HACE1: variants seen among roughly 807,000 people sequenced by gnomAD.
HACE1 encodes HECT domain and ankyrin repeat containing E3 ubiquitin protein ligase 1, also known as E3 ubiquitin-protein ligase HACE1.
HACE1 carries 73 observed loss-of-function variants against 118.4 expected under a neutral mutation model. The observed-to-expected ratio is 0.62, with a 90% CI of 0.51 to 0.75. HACE1 has a LOEUF of 0.75. HACE1 is among the 30% of genes least tolerant of loss of function. The pLI, the probability that HACE1 is intolerant of heterozygous loss-of-function variation, is 0.00. For synonymous variants in HACE1, 368 were observed against 374.8 expected, an observed-to-expected ratio of 0.98 and a Z score of 0.21; for missense variants, 749 against 1,102.2, an observed-to-expected ratio of 0.68 and a Z score of 4.54.
At chr6:104,831,918 AAGAAGAGAAGAGAAGAGAAG>A (rs770162517) in intron 6 of HACE1, among the ~76,000 whole-genome samples, 26 of 62,878 alleles carry the variant, frequency 4.1e-4, no homozygotes, top group African/African-American at 9.2e-4. Context: ...AGAAAAGAGA[AAGAAGAGAAGAGAAGAGAAG>A]AGAAGAGAAG....
At chr6:104,764,141 G>T (rs968558375) in intron 19 of HACE1, among the ~76,000 whole-genome samples, 16 of 152,268 alleles carry the variant, frequency 1.1e-4, no homozygotes, top group Admixed American at 6.5e-4. Context: ...GTGGCACTGT[G>T]ATCTTGGTTC....
chr6:104,803,204 C>A (rs564938669), intron 7 of HACE1, among the ~76,000 whole-genome samples: 4 of 152,276 alleles, frequency 2.6e-5, no homozygotes, highest in African/African-American at 9.6e-5. Flanking sequence ...TAATTAATAG[C>A]CTACCAACCA....
chr6:104,828,312 TCACATCA>T (rs1773530973), intron 6 of HACE1, among the ~76,000 whole-genome samples: 2 of 152,030 alleles, frequency 1.3e-5, no homozygotes, highest in African/African-American at 4.8e-5. Flanking sequence ...TTTTACAGAA[TCACATCA>T]CACATATTAA....
At chr6:104,735,955 A>T (rs1775781115) in intron 22 of HACE1, among the ~76,000 whole-genome samples, 1 of 151,994 alleles carries the variant, frequency 6.6e-6, no homozygotes, top group South Asian at 2.1e-4. Flanking sequence ...CATATTGCTA[A>T]ATTCAAAAAG....
chr6:104,747,650 C>G (rs1777577328), intron 20 of HACE1, among the ~76,000 whole-genome samples: 1 of 152,004 alleles, frequency 6.6e-6, no homozygotes. Context: ...CATAGCCTAT[C>G]ACTAACACAT....
chr6:104,844,631 G>A (rs1486443994), intron 4 of HACE1, among the ~76,000 whole-genome samples: 7 of 147,912 alleles, frequency 4.7e-5, no homozygotes, highest in African/African-American at 1.8e-4. Context: ...GATTACAGGC[G>A]TGAGCCACTG....
rs761297846 is a variant in HACE1, at chr6:104,744,564, A to C, written c.2390T>G (p.Ile797Arg). 6.2e-7 allele frequency: 1 copy of C among 1,606,938 alleles called. No individual in the cohort carries two copies. The highest frequency in any genetic ancestry group is 8.5e-7 in the Non-Finnish European group (1 of 1,173,700). ...GMPEIDVSDW[I>R]KNTEYTSGYE... is the part of the protein sequence containing the mutation. ...GCCACTTGTGTATTCTGTATTTTTT[A>C]TCCAATCACTCACATCAATTTCTGG... Residue 797 changes from isoleucine (I) to arginine (R), a missense_variant, in exon 21 of 24, where the codon ATA becomes AGA. By Grantham distance (97) the Ile-to-Arg change is moderately conservative. This residue lies in a region of HACE1 where 165 missense variants were observed against 229.9 expected (regional missense o/e 0.72). Coordinates refer to ENST00000262903, the MANE Select transcript of HACE1 (RefSeq NM_020771.4).
rs762497394 is a variant in HACE1, at chr6:104,850,945, G to A, written c.183C>T (p.Phe61=). Residue 61 remains phenylalanine (F), a synonymous_variant, in exon 3 of 24, where the codon TTC becomes TTT. Transcript: ENST00000262903. ...GAAGCAAGCTTCTTTTCACACGTCC[G>A]AATGCATAATTGACATCAAATTTTG... ...SNSKFDVNYA[F]GRVKRSLLHI... 29 of 1,610,198 alleles carry A rather than the reference G, an allele frequency of 1.8e-5. No individual in the cohort carries two copies. The highest frequency in any genetic ancestry group is 6.7e-5 in the East Asian group (3 of 44,856).
Position 104,784,081 on chromosome 6 carries a change from TCTA to T in HACE1, c.1566+2_1566+4del, listed in dbSNP as rs2114790322. On this transcript the variant is annotated splice_donor_variant and splice_donor_region_variant and intron_variant, in intron 14 of 23. Coordinates refer to ENST00000262903, the MANE Select transcript of HACE1 (RefSeq NM_020771.4). LOFTEE classifies it high-confidence loss of function. ...TAGAATAAAAAGATGAAGAAAAATT[TCTA>T]CCTGTGCTTTTATGATATGCATGAA... The T allele has an allele frequency of 6.8e-7, 1 of 1,481,212 alleles. No homozygotes were observed. 91.8% of individuals were successfully genotyped at this position (1,481,212 alleles called of 1,614,324 possible).
intron 7 of HACE1, among the ~76,000 whole-genome samples, chr6:104,799,903 G>T (rs1015299566): frequency 7.5e-6 from 1 of 134,160 alleles, no homozygotes. Context: ...AGCCCACGGA[G>T]GGTGAGCACC....
At chr6:104,847,239 C>T (rs1379471272) in intron 4 of HACE1, among the ~76,000 whole-genome samples, 1 of 152,208 alleles carries the variant, frequency 6.6e-6, no homozygotes, top group Admixed American at 6.5e-5. Flanking sequence ...TTTATCCCTG[C>T]TCTGCACTAA....
rs1361914750 is a variant in HACE1, at chr6:104,859,737, G to T, written c.-95C>A. The T allele has an allele frequency of 8.7e-7, 1 of 1,152,996 alleles. No individual in the cohort carries two copies. The highest frequency in any genetic ancestry group is 1.2e-6 in the Non-Finnish European group (1 of 817,510). 71.4% of individuals were successfully genotyped at this position (1,152,996 alleles called of 1,614,324 possible). On this transcript the variant is annotated 5_prime_UTR_variant, in exon 1 of 24. Transcript: ENST00000262903. ...CATCTCGCCTGGGCCCGTCCAGCAG[G>T]CGGAGACGCGGGCTTGCCCCGGCTA...
intron 19 of HACE1, among the ~76,000 whole-genome samples, chr6:104,753,669 C>A (rs1778306871): frequency 6.6e-6 from 1 of 151,932 alleles, no homozygotes; most frequent in South Asian, 2.1e-4. Flanking sequence ...AGTAAAGTGG[C>A]CAGATTACTA....
intron 7 of HACE1, among the ~76,000 whole-genome samples, chr6:104,803,644 G>C (rs1348366318): frequency 6.6e-6 from 1 of 152,126 alleles, no homozygotes; most frequent in Non-Finnish European, 1.5e-5. Flanking sequence ...TGCAGAAAAG[G>C]CCTTCGACAA....
chr6:104,738,656 T>A (rs1486878427), intron 22 of HACE1, among the ~76,000 whole-genome samples: 1 of 148,852 alleles, frequency 6.7e-6, no homozygotes, highest in Non-Finnish European at 1.5e-5. Flanking sequence ...CTCCAAGAAA[T>A]ATGGGACTAT....
At chr6:104,808,642 C>A (rs1771284516) in intron 7 of HACE1, among the ~76,000 whole-genome samples, 1 of 152,018 alleles carries the variant, frequency 6.6e-6, no homozygotes, top group Non-Finnish European at 1.5e-5. Context: ...ACTTATCAAC[C>A]AATAAAAACT....
rs1484558365 is a variant in HACE1 at position 104,750,399 on chromosome 6, T to C, written c.2285A>G (p.Gln762Arg). The C allele has an allele frequency of 8.1e-6, 13 of 1,612,822 alleles. No individual in the cohort carries two copies. Among genetic ancestry groups the C allele is most frequent in the Non-Finnish European group, 1.1e-5 (13 of 1,179,100 alleles). Residue 762 changes from glutamine to arginine, a missense_variant, in exon 20 of 24, where the codon CAG becomes CGG. By Grantham distance (43) the Gln-to-Arg change is conservative (BLOSUM62 1). Transcript: ENST00000262903. ...AIQPQINAFLQGFHMFIPPSL... is the reference protein window; with the variant it reads ...AIQPQINAFLRGFHMFIPPSL... ...GGGTGGAATGAACATATGAAAGCCC[T>C]GTAAAAAAGCATTGATCTGAGGCTG...
chr6:104,764,831 T>C (rs1202459838), intron 19 of HACE1, among the ~76,000 whole-genome samples: 1 of 152,234 alleles, frequency 6.6e-6, no homozygotes, highest in African/African-American at 2.4e-5. Flanking sequence ...TCACTTGACA[T>C]ACAGAATCCT....
chr6:104,850,090 C>T (rs1286202113), intron 3 of HACE1, among the ~76,000 whole-genome samples: 1 of 151,806 alleles, frequency 6.6e-6, no homozygotes, highest in African/African-American at 2.4e-5. Context: ...GCTGGGATTA[C>T]AGGCGCACGC....
Sources: allele counts gnomAD v4.1 joint callset (sites outside exome capture counted in the v4.1 genomes callset), GRCh38; gene constraint gnomAD v4.1.1; regional missense constraint gnomAD v4.1.1; transcripts MANE v1.5; gene names NCBI Gene and HGNC (gene_info 2026-07-23, HGNC 2026-07-21).